The following THEMIS2 variants were observed in gnomAD, a reference collection of about 807,000 sequenced individuals.
THEMIS2 encodes protein THEMIS2.
THEMIS2 carries 29 observed loss-of-function variants against 46.8 expected under a neutral mutation model. The ratio of observed to expected loss-of-function variants is 0.62; its 90% CI spans 0.46 to 0.84. The LOEUF is 0.84. Ranked by LOEUF, THEMIS2 falls within the 40% of genes least tolerant of loss-of-function variation. The pLI, the probability that THEMIS2 is intolerant of heterozygous loss-of-function variation, is 0.00. For synonymous variants in THEMIS2, 335 were observed against 349.1 expected (o/e 0.96, Z 0.45); for missense variants, 698 against 834.7 (o/e 0.84, Z 2.02).
At chr1:27,880,944 A>C (rs1248404745) in intron 3 of THEMIS2, among the ~76,000 whole-genome samples, 1 of 151,498 alleles carries the variant, frequency 6.6e-6, no homozygotes, top group Non-Finnish European at 1.5e-5. Context: ...TGCCCAGATA[A>C]TTTTTTTGTA....
Position 27,882,628 on chromosome 1 carries a change from G to A in THEMIS2, c.1304G>A (p.Ser435Asn). 6 of 1,614,212 alleles carry A rather than the reference G, an allele frequency of 3.7e-6. No homozygotes were observed. The highest frequency in any genetic ancestry group is 5.1e-6 in the Non-Finnish European group (6 of 1,180,038). Residue 435 changes from serine to asparagine, a missense_variant, in exon 4 of 6, where the codon AGT (serine) becomes AAT (asparagine). Physicochemically the swap from Ser to Asn is conservative, Grantham distance 46. Transcript: ENST00000373921. This position sits in a 1 kb window ranked among gnomAD's most constrained non-coding sequence, Gnocchi z 7.6. The stretch of plus-strand genomic sequence containing the variant: ...CCTGGCAGTTTCGTGGAGGAGATGA[G>A]TGACAGCCGGCGCTACAGCCTGGCA... Reference protein sequence around the residue: ...HFPGSFVEEMSDSRRYSLADL... With the variant: ...HFPGSFVEEMNDSRRYSLADL...
In THEMIS2 at chr1:27,885,927, T is replaced by C; in HGVS notation, c.*5T>C. The stretch of plus-strand genomic sequence containing the variant: ...CAATTTCAGAAAACCATCTAAGTGC[T>C]GGAGGAACCACGCTTCCTAACTGCT... On this transcript the variant is annotated 3_prime_UTR_variant, in exon 6 of 6. Transcript: ENST00000373921. 6.2e-7 allele frequency: 1 copy of C among 1,613,904 alleles called. No homozygotes were observed. The highest frequency in any genetic ancestry group is 8.5e-7 in the Non-Finnish European group (1 of 1,179,880).
At chr1:27,878,640 G>A (rs2089628603) in intron 2 of THEMIS2, among the ~76,000 whole-genome samples, 2 of 151,380 alleles carry the variant, frequency 1.3e-5, no homozygotes, top group African/African-American at 4.9e-5. Flanking sequence ...AGAGTAAATT[G>A]CAGACATGTT....
In THEMIS2 at chr1:27,872,631, C is replaced by A. The variant is rs2089507729; in HGVS notation, c.60C>A (p.Arg20=). 6.8e-7 allele frequency: 1 copy of A among 1,469,672 alleles called. No individual in the cohort carries two copies. The allele number at this position is 1,469,672 out of a possible 1,614,324, so 91.0% of individuals were successfully genotyped here. A position where few individuals can be genotyped will look rare whatever the true frequency, so the allele number is the denominator to read the frequency against. Reference sequence around the variant, plus strand: ...CCTTGGACCCCGCCTCCCTCCCGCGCGTGCTGCGGGTCTGCTCGGGGGTCT... The same window carrying A: ...CCTTGGACCCCGCCTCCCTCCCGCGAGTGCTGCGGGTCTGCTCGGGGGTCT... ...VRALDPASLP[R]VLRVCSGVYF... is the part of the protein sequence containing the mutation. The change falls in exon 1 of 6, where the codon CGC becomes CGA. Residue 20 remains arginine, a synonymous_variant. Transcript: ENST00000373921. This position sits in a 1 kb window ranked among gnomAD's most constrained non-coding sequence, Gnocchi z 4.9.
rs765840846 is a variant in THEMIS2 at position 27,882,078 on chromosome 1, G to C, written c.754G>C (p.Val252Leu). 4 of 1,614,104 alleles carry C rather than the reference G, an allele frequency of 2.5e-6. No homozygotes were observed. The African/African-American group carries it at 4.0e-5, about 16-fold the overall frequency. The change falls in exon 4 of 6, where the codon GTC becomes CTC. Residue 252 changes from valine to leucine, a missense_variant. By Grantham distance (32) the Val-to-Leu change is conservative. Coordinates refer to ENST00000373921, the MANE Select transcript of THEMIS2 (RefSeq NM_001105556.3). This position sits in a 1 kb window ranked among gnomAD's most constrained non-coding sequence, Gnocchi z 7.6. ...TATCAAACCGCTGCTGCTGAGCGAG[G>C]TCCTGGCCTGGGAAGGCCCTTTCCC... is the stretch of plus-strand genomic sequence containing the variant. ...HFIKPLLLSEVLAWEGPFPLS... is the reference protein window; with the variant it reads ...HFIKPLLLSELLAWEGPFPLS...
Position 27,886,136 on chromosome 1 carries a change from T to G in THEMIS2, c.*214T>G. 3.6e-6 allele frequency: 2 copies of G among 558,374 alleles called. No individual in the cohort carries two copies. The highest frequency in any genetic ancestry group is 6.4e-6 in the Non-Finnish European group (2 of 312,310). The allele number at this position is 558,374 out of a possible 1,614,324, so 34.6% of individuals were successfully genotyped here. A position where few individuals can be genotyped will look rare whatever the true frequency, so the allele number is the denominator to read the frequency against. On this transcript the variant is annotated 3_prime_UTR_variant, in exon 6 of 6. Transcript: ENST00000373921. ...AGGGCGGGCTGGTTTGGACCTAACA[T>G]CTCGCACGTGACTCCCTCAGCCTCA...
chr1:27,876,460 C>T, intron 1 of THEMIS2, 128 bp from the exon 2 acceptor site: 2 of 1,184,542 alleles, frequency 1.7e-6, no homozygotes, highest in Non-Finnish European at 2.4e-6. Flanking sequence ...AACGACAGAG[C>T]AGGGCATGCC....
chr1:27,879,662 A>G lies in THEMIS2; in HGVS notation c.254A>G (p.Asn85Ser), dbSNP rs2148637644. 2 of 1,602,230 alleles carry G rather than the reference A, an allele frequency of 1.2e-6. No homozygotes were observed. Among genetic ancestry groups the G allele is most frequent in the Non-Finnish European group, 8.5e-7 (1 of 1,171,948 alleles). Residue 85 changes from asparagine (N) to serine (S), a missense_variant, in exon 3 of 6, where the codon AAC (asparagine) becomes AGC (serine). Asn to Ser is a conservative substitution (Grantham distance 46). Coordinates refer to ENST00000373921, the MANE Select transcript of THEMIS2 (RefSeq NM_001105556.3). The part of the protein sequence containing the change: ...PNFQGYFTPL[N>S]TPQSYETLEE... The stretch of plus-strand genomic sequence containing the variant: ...CCCACAGGCTACTTCACCCCCCTCA[A>G]CACCCCACAGAGCTATGAAACCCTG...
At chr1:27,885,227 A>C (rs916432349) in intron 4 of THEMIS2, 68 bp from the exon 5 acceptor site, 24 of 1,545,854 alleles carry the variant, frequency 1.6e-5, no homozygotes, top group Middle Eastern at 1.7e-4. Flanking sequence ...AACGTGAATG[A>C]CCGTTTTTCA....
intron 2 of THEMIS2, among the ~76,000 whole-genome samples, chr1:27,879,226 G>A (rs181515740): frequency 4.7e-4 from 71 of 152,250 alleles, no homozygotes; most frequent in African/African-American, 1.3e-3. Context: ...TGGGATGTTC[G>A]TTTGGGAGAG....
Position 27,876,738 on chromosome 1 carries a change from G to T in THEMIS2, c.235+10G>T, listed in dbSNP as rs1279980164. The T allele has an allele frequency of 1.2e-6, 2 of 1,612,968 alleles. No homozygotes were observed. Among genetic ancestry groups the T allele is most frequent in the Non-Finnish European group, 1.7e-6 (2 of 1,179,608 alleles). On this transcript the variant is annotated intron_variant, in intron 2 of 5. Transcript: ENST00000373921. Reference sequence around the variant, plus strand: ...GCCCCCAACTTCCAGGGTAAGGTGGGCACCTCTGCCTCCCCATGTGCCCTG... The same window carrying T: ...GCCCCCAACTTCCAGGGTAAGGTGGTCACCTCTGCCTCCCCATGTGCCCTG...
In THEMIS2 at chr1:27,879,643, G is replaced by A; in HGVS notation, c.236-1G>A. The stretch of plus-strand genomic sequence containing the variant: ...TGCCTGCTCTCTGCTGTCCCCCACA[G>A]GCTACTTCACCCCCCTCAACACCCC... On this transcript the variant is annotated splice_acceptor_variant, in intron 2 of 5. Coordinates refer to ENST00000373921, the MANE Select transcript of THEMIS2 (RefSeq NM_001105556.3). LOFTEE classifies it high-confidence loss of function. The A allele has an allele frequency of 6.3e-7, 1 of 1,583,742 alleles. No homozygotes were observed. Among genetic ancestry groups the A allele is most frequent in the Non-Finnish European group, 8.6e-7 (1 of 1,160,376 alleles).
In THEMIS2 at chr1:27,885,979, A is replaced by T. The variant is rs2089764896; in HGVS notation, c.*57A>T. 6.4e-7 allele frequency: 1 copy of T among 1,564,772 alleles called. No individual in the cohort carries two copies. The highest frequency in any genetic ancestry group is 8.8e-7 in the Non-Finnish European group (1 of 1,135,568). ...CTTCTCAGGGAATCCGACACCAGCC[A>T]ACCATTTTAAGCCTCTAAAAGACCT... is the stretch of plus-strand genomic sequence containing the variant. On this transcript the variant is annotated 3_prime_UTR_variant, in exon 6 of 6. Transcript: ENST00000373921.
At chr1:27,885,548 C>T (rs2089756008) in intron 5 of THEMIS2, 97 bp downstream of exon 5, 18 of 1,434,504 alleles carry the variant, frequency 1.3e-5, no homozygotes, top group Non-Finnish European at 1.7e-5. Context: ...AGGGACAGAC[C>T]CTTCTATGGT....
intron 3 of THEMIS2, among the ~76,000 whole-genome samples, chr1:27,880,513 C>T (rs1218954620): frequency 1.3e-5 from 2 of 152,096 alleles, no homozygotes; most frequent in African/African-American, 4.8e-5. Context: ...CTCAAATTAT[C>T]TCGGCTACGC....
At chr1:27,883,236 T>C (rs142727315) in intron 4 of THEMIS2, among the ~76,000 whole-genome samples, 193 bp downstream of exon 4, 72 of 152,238 alleles carry the variant, frequency 4.7e-4, no homozygotes, top group African/African-American at 1.6e-3. Flanking sequence ...TATCTTATGA[T>C]TGAGAAAACA....
intron 3 of THEMIS2, 35 bp downstream of exon 3, chr1:27,880,089 G>C (rs964641040): frequency 6.5e-7 from 1 of 1,546,748 alleles, no homozygotes; most frequent in African/African-American, 1.4e-5. Context: ...CGCGCTGCTG[G>C]GGGAGAGAAA....
chr1:27,877,540 G>A (rs530239220), intron 2 of THEMIS2, among the ~76,000 whole-genome samples: 1 of 152,148 alleles, frequency 6.6e-6, no homozygotes, highest in Admixed American at 6.5e-5. Flanking sequence ...TGTTAACCAG[G>A]ATGATCTCGA....
At chr1:27,881,438 C>T (rs763943557) in intron 3 of THEMIS2, among the ~76,000 whole-genome samples, 50 of 150,216 alleles carry the variant, frequency 3.3e-4, no homozygotes, top group Non-Finnish European at 6.5e-4. Context: ...GCGACAAGAG[C>T]GAGACTCCAT....
Sources: allele counts gnomAD v4.1 joint callset (sites outside exome capture counted in the v4.1 genomes callset), GRCh38; gene constraint gnomAD v4.1.1; non-coding constraint Gnocchi (gnomAD v3.1); transcripts MANE v1.5; gene names NCBI Gene and HGNC (gene_info 2026-07-23, HGNC 2026-07-21).